Variants in GOT2 observed in about 807,000 individuals in gnomAD.
GOT2 encodes the protein glutamic-oxaloacetic transaminase 2.
GOT2 carries 17 observed loss-of-function variants against 50.0 expected under a neutral mutation model. That is an observed-to-expected ratio of 0.34 (90% confidence interval 0.23 to 0.51). The LOEUF is 0.51. GOT2 is among the 20% of genes least tolerant of loss of function. GOT2 has a pLI of 0.97. For missense variants in GOT2, 430 were observed against 559.6 expected, an observed-to-expected ratio of 0.77 and a Z score of 2.34; for synonymous variants, 172 against 204.9, an observed-to-expected ratio of 0.84 and a Z score of 1.37.
rs2044720617 is a variant in GOT2 at position 58,719,217 on chromosome 16, T to C, written c.414A>G (p.Leu138=). ...TVQTISGTGA[L]RIGASFLQRF... Reference sequence around the variant, plus strand: ...TCACCAGAAAACTGGCTCCGATCCTTAAGGCTCCAGTTCCAGAAATGGTCT... The same window carrying C: ...TCACCAGAAAACTGGCTCCGATCCTCAAGGCTCCAGTTCCAGAAATGGTCT... The change falls in exon 4 of 10, where the codon TTA becomes TTG. Residue 138 remains leucine, a synonymous_variant. Transcript: ENST00000245206. 3 of 1,613,298 alleles carry C rather than the reference T, an allele frequency of 1.9e-6. No individual in the cohort carries two copies. The East Asian group carries it at 6.7e-5, about 36-fold the overall frequency.
intron 1 of GOT2, 79 bp from the exon 2 acceptor site, chr16:58,723,981 T>G: frequency 7.7e-7 from 1 of 1,303,858 alleles, no homozygotes. Context: ...TGAGATAGAC[T>G]CTTGCTCTGT....
chr16:58,734,060 G>T, intron 1 of GOT2, 80 bp downstream of exon 1: 1 of 693,886 alleles, frequency 1.4e-6, no homozygotes, highest in Non-Finnish European at 2.1e-6. Flanking sequence ...GGGGCCGGGA[G>T]GGGTGAATGT....
At chr16:58,721,347 G>A (rs1336306231) in intron 3 of GOT2, among the ~76,000 whole-genome samples, 1 of 152,158 alleles carries the variant, frequency 6.6e-6, no homozygotes, top group Non-Finnish European at 1.5e-5. Flanking sequence ...TTCACATGTT[G>A]GGAGCGTGGT....
intron 8 of GOT2, among the ~76,000 whole-genome samples, chr16:58,714,784 C>G (rs190265863): frequency 6.6e-6 from 1 of 151,894 alleles, no homozygotes; most frequent in Non-Finnish European, 1.5e-5. Context: ...GTCTGGAAGA[C>G]AGTTTCAGTT....
intron 8 of GOT2, among the ~76,000 whole-genome samples, chr16:58,715,678 G>A (rs901613574): frequency 6.6e-6 from 1 of 152,072 alleles, no homozygotes; most frequent in South Asian, 2.1e-4. Context: ...TCATCCTCCC[G>A]AGTAGCTGGG....
intron 1 of GOT2, among the ~76,000 whole-genome samples, chr16:58,732,300 T>C (rs1005504204): frequency 1.3e-5 from 2 of 151,810 alleles, no homozygotes; most frequent in Non-Finnish European, 2.9e-5. Context: ...TGAGACCCTG[T>C]ATTTAAAGAA....
At chr16:58,714,851 T>A (rs2152094377) in intron 8 of GOT2, among the ~76,000 whole-genome samples, 1 of 152,234 alleles carries the variant, frequency 6.6e-6, no homozygotes, top group East Asian at 1.9e-4. Flanking sequence ...TATATATTTT[T>A]AAAATTTTAT....
chr16:58,714,317 G>A (rs1245489170), intron 8 of GOT2, among the ~76,000 whole-genome samples: 1 of 152,100 alleles, frequency 6.6e-6, no homozygotes, highest in Non-Finnish European at 1.5e-5. Flanking sequence ...TTGGGAGGCC[G>A]AGGCAGGTGG....
At chr16:58,718,423 C>G in intron 5 of GOT2, 104 bp downstream of exon 5, 1 of 1,334,390 alleles carries the variant, frequency 7.5e-7, no homozygotes, top group Middle Eastern at 1.9e-4. Flanking sequence ...GGAATCAGCT[C>G]TTCCCCAGTA....
At chr16:58,710,956 A>G (rs895026386) in intron 8 of GOT2, among the ~76,000 whole-genome samples, 35 of 139,668 alleles carry the variant, frequency 2.5e-4, no homozygotes, top group African/African-American at 9.5e-4. Flanking sequence ...TGAGAGAGCA[A>G]GACTCTGTCT....
intron 6 of GOT2, 110 bp from the exon 7 acceptor site, chr16:58,716,923 C>A: frequency 1.1e-6 from 1 of 936,128 alleles, no homozygotes; most frequent in Non-Finnish European, 1.6e-6. Flanking sequence ...CCAATAAGCA[C>A]AATAAGCCTT....
chr16:58,711,042 G>T (rs558272847), intron 8 of GOT2, among the ~76,000 whole-genome samples: 2 of 150,746 alleles, frequency 1.3e-5, no homozygotes, highest in South Asian at 4.2e-4. Flanking sequence ...AAAGCTGTGG[G>T]TTAAACAAAA....
intron 8 of GOT2, among the ~76,000 whole-genome samples, chr16:58,715,523 A>C (rs2044685215): frequency 6.6e-6 from 1 of 152,166 alleles, no homozygotes; most frequent in Non-Finnish European, 1.5e-5. Flanking sequence ...GTGACAGAGC[A>C]AGACCCTGTC....
intron 5 of GOT2, 73 bp downstream of exon 5, chr16:58,718,454 C>T (rs1380697514): frequency 1.4e-6 from 2 of 1,435,960 alleles, no homozygotes; most frequent in South Asian, 2.7e-5. Flanking sequence ...GATATTGGGA[C>T]ATGGTGGGAG....
In GOT2 at chr16:58,716,586, A is replaced by C. The variant is rs200011569; in HGVS notation, c.853+77T>G. On this transcript the variant is annotated intron_variant, in intron 7 of 9. Coordinates refer to ENST00000245206, the MANE Select transcript of GOT2 (RefSeq NM_002080.4). ...CACACACACACACACACACACACAC[A>C]CACCCACAAGCTCTATGCCCTCGTG... is the stretch of plus-strand genomic sequence containing the variant. 34 of 1,153,810 alleles carry C rather than the reference A, an allele frequency of 2.9e-5. No individual in the cohort carries two copies. The highest frequency in any genetic ancestry group is 1.1e-4 in the South Asian group (8 of 70,268). The allele number at this position is 1,153,810 out of a possible 1,614,324, so 71.5% of individuals were successfully genotyped here. A position where few individuals can be genotyped will look rare whatever the true frequency, so the allele number is the denominator to read the frequency against.
rs1454453977 is a variant in GOT2 at position 58,718,708 on chromosome 16, G to A, written c.436-20C>T. 2.0e-6 allele frequency: 3 copies of A among 1,537,826 alleles called. No individual in the cohort carries two copies. The highest frequency in any genetic ancestry group is 1.8e-6 in the Non-Finnish European group (2 of 1,142,314). The stretch of plus-strand genomic sequence containing the variant: ...TCTTTGCTAAAAGATGGGACGAAAG[G>A]AAACAGAAAAATGAACAAAGGAGAG... On this transcript the variant is annotated intron_variant, in intron 4 of 9. Coordinates refer to ENST00000245206, the MANE Select transcript of GOT2 (RefSeq NM_002080.4).
intron 1 of GOT2, among the ~76,000 whole-genome samples, chr16:58,729,401 C>T (rs2044813910): frequency 1.3e-5 from 2 of 150,284 alleles, no homozygotes; most frequent in Non-Finnish European, 3.0e-5. Flanking sequence ...GTGGCTCTTG[C>T]CTGTAGTCCC....
In GOT2 at chr16:58,718,118, G is replaced by A. The variant is rs1056310293; in HGVS notation, c.702+78C>T. ...CGCAGGTTCGAGGTTAAGACTCTCTGTTGAGACATTGCCAAATTAAGCCTC... is the reference window on the plus strand; with the variant it reads ...CGCAGGTTCGAGGTTAAGACTCTCTATTGAGACATTGCCAAATTAAGCCTC... On this transcript the variant is annotated intron_variant, in intron 6 of 9. Coordinates refer to ENST00000245206, the MANE Select transcript of GOT2 (RefSeq NM_002080.4). 17 of 1,001,628 alleles carry A rather than the reference G, an allele frequency of 1.7e-5. No individual in the cohort carries two copies. In the Admixed American group the frequency reaches 2.7e-4, roughly 16 times the overall value. 62.0% of individuals were successfully genotyped at this position (1,001,628 alleles called of 1,614,324 possible). A position where few individuals can be genotyped will look rare whatever the true frequency, so the allele number is the denominator to read the frequency against.
At chr16:58,732,717 G>T (rs1467440590) in intron 1 of GOT2, among the ~76,000 whole-genome samples, 2 of 152,000 alleles carry the variant, frequency 1.3e-5, no homozygotes, top group African/African-American at 4.8e-5. Flanking sequence ...TGACCCCAAG[G>T]GATTTTCACC....
Sources: gnomAD v4.1 joint callset for allele counts (sites outside exome capture counted in the v4.1 genomes callset) on GRCh38, gnomAD v4.1.1 for gene constraint, MANE v1.5 for transcripts, NCBI Gene and HGNC (gene_info 2026-07-23, HGNC 2026-07-21) for gene names.